OCA2: variants seen among roughly 807,000 people sequenced by gnomAD.
OCA2 encodes P protein.
A neutral mutation model predicts 100.2 loss-of-function variants in OCA2; 77 were observed. That is an observed-to-expected ratio of 0.77 (90% CI 0.64 to 0.93). OCA2 has a LOEUF of 0.93. Ranked by LOEUF, OCA2 falls within the 40% of genes least tolerant of loss-of-function variation. OCA2 has a pLI of 0.00. For synonymous variants in OCA2, 432 were observed against 439.2 expected (o/e 0.98, Z 0.21); for missense variants, 1,062 against 1,089.1 (o/e 0.98, Z 0.35).
intron 23 of OCA2, among the ~76,000 whole-genome samples, chr15:27,793,161 G>C (rs931606433): frequency 3.3e-5 from 5 of 152,200 alleles, no homozygotes; most frequent in Admixed American, 3.3e-4. Context: ...ATGGGGCTTG[G>C]CTACTCAAAG....
chr15:28,090,348 T>C (rs867313032), intron 1 of OCA2, among the ~76,000 whole-genome samples: 3 of 152,162 alleles, frequency 2.0e-5, no homozygotes, highest in African/African-American at 4.8e-5. Context: ...CATCAACCAA[T>C]AGAATATAAT....
intron 23 of OCA2, among the ~76,000 whole-genome samples, chr15:27,843,577 G>A (rs1208705035): frequency 6.6e-6 from 1 of 152,168 alleles, no homozygotes; most frequent in African/African-American, 2.4e-5. Context: ...TCTGAACCCT[G>A]TCCCTTAGCG....
chr15:27,896,638 C>CAAAAAA (rs58489908), intron 19 of OCA2: 6 of 141,170 alleles, frequency 4.3e-5, no homozygotes, highest in Non-Finnish European at 9.2e-5. Flanking sequence ...TTATTGACAG[C>CAAAAAA]AAAAAAAAAA....
chr15:27,985,259 T>C, intron 12 of OCA2, 71 bp from the exon 13 acceptor site: 1 of 1,579,794 alleles, frequency 6.3e-7, no homozygotes, highest in African/African-American at 1.3e-5. Flanking sequence ...AGCCTTTCAT[T>C]AGTGACTTTA....
At chr15:27,771,333 G>A (rs1274456993) in intron 23 of OCA2, among the ~76,000 whole-genome samples, 4 of 151,662 alleles carry the variant, frequency 2.6e-5, no homozygotes, top group African/African-American at 4.8e-5. Context: ...AAAGGGCGGC[G>A]CTATAGAGAG....
intron 2 of OCA2, among the ~76,000 whole-genome samples, chr15:28,081,332 T>C (rs528747944): frequency 6.6e-6 from 1 of 152,224 alleles, no homozygotes; most frequent in Non-Finnish European, 1.5e-5. Flanking sequence ...TGTATAGAAA[T>C]AAGGCATGCC....
chr15:27,861,298 A>G (rs2151451171), intron 21 of OCA2, among the ~76,000 whole-genome samples: 1 of 152,314 alleles, frequency 6.6e-6, no homozygotes, highest in South Asian at 2.1e-4. Context: ...AGATGGAATC[A>G]GGATTTCAGT....
At chr15:27,985,268 T>C in intron 12 of OCA2, 80 bp from the exon 13 acceptor site, 1 of 1,550,652 alleles carries the variant, frequency 6.4e-7, no homozygotes, top group Non-Finnish European at 8.8e-7. Flanking sequence ...TTAGTGACTT[T>C]AAGAACAGGG....
intron 23 of OCA2, among the ~76,000 whole-genome samples, chr15:27,770,724 A>C (rs2031670475): frequency 1.5e-5 from 2 of 134,548 alleles, no homozygotes; most frequent in African/African-American, 3.1e-5. Flanking sequence ...CTCCTTTCTT[A>C]CTTCCCTCCC....
At position 27,807,495 on chromosome 15, in the gene OCA2, T is replaced by G. The variant is rs115355171; in HGVS notation, c.2432+37464A>C. ...AGAATAATGAGTGCCTTTGCGTTGG[T>G]GTCATCCACACACGTCAGGGAAGGC... On this transcript the variant is annotated intron_variant, in intron 23 of 23. Transcript: ENST00000354638. 8.7e-3 allele frequency among the ~76,000 whole-genome samples: 1,330 copies of G among 152,204 alleles called. 23 individuals carry two copies. The highest frequency in any genetic ancestry group is 0.031 in the African/African-American group (1,278 of 41,540).
rs575195763 is a variant in OCA2, at chr15:27,925,773, C to T, written c.2079+354G>A. On this transcript the variant is annotated intron_variant, in intron 19 of 23. Transcript: ENST00000354638. ...ACGGAAATGTTACTCAAATATCACA[C>T]AAAATGAAACAGATCATCAAGGTCA... Among the ~76,000 whole-genome samples the T allele has an allele frequency of 2.6e-5, 4 of 152,256 alleles. No individual in the cohort carries two copies. In the South Asian group the frequency reaches 8.3e-4, roughly 32 times the overall value.
chr15:27,806,746 T>TA (rs1047281782), intron 23 of OCA2, among the ~76,000 whole-genome samples: 2 of 152,108 alleles, frequency 1.3e-5, no homozygotes, highest in African/African-American at 4.8e-5. Context: ...TCTACAGAAA[T>TA]AAAAAAGAAG....
At chr15:28,095,992 C>T (rs1167990776) in intron 1 of OCA2, among the ~76,000 whole-genome samples, 5 of 152,236 alleles carry the variant, frequency 3.3e-5, no homozygotes, top group African/African-American at 1.2e-4. Flanking sequence ...GAGAAACCGC[C>T]CCTGGCTATG....
intron 23 of OCA2, among the ~76,000 whole-genome samples, chr15:27,774,296 G>A (rs1042933281): frequency 5.9e-5 from 9 of 152,234 alleles, no homozygotes; most frequent in African/African-American, 1.9e-4. Context: ...CTGGCAGTGA[G>A]GAAGAGAGTC....
chr15:27,989,559 C>T (rs763311362), intron 11 of OCA2, 42 bp downstream of exon 11: 6 of 1,563,352 alleles, frequency 3.8e-6, no homozygotes, highest in Non-Finnish European at 4.4e-6. Flanking sequence ...GCCCGGTTAC[C>T]GCAGGCGTGG....
intron 14 of OCA2, among the ~76,000 whole-genome samples, chr15:27,969,905 T>TA (rs34786123): frequency 0.014 from 1,976 of 144,382 alleles, 38 homozygotes; most frequent in African/African-American, 0.047. Flanking sequence ...TGTGAAAATT[T>TA]AAAAAAAAAA....
intron 21 of OCA2, among the ~76,000 whole-genome samples, chr15:27,869,938 C>T (rs3903042): frequency 0.3 from 45,689 of 152,122 alleles, 8,356 homozygotes; most frequent in Middle Eastern, 0.51. Flanking sequence ...CAATTTGGAA[C>T]TTCACCAAAA....
chr15:27,771,779 T>G (rs1022336828), intron 23 of OCA2, among the ~76,000 whole-genome samples: 1 of 152,212 alleles, frequency 6.6e-6, no homozygotes, highest in African/African-American at 2.4e-5. Context: ...TTAATTTTGT[T>G]AATTTTTGCT....
At chr15:28,034,437 T>C (rs761051656) in intron 2 of OCA2, among the ~76,000 whole-genome samples, 1 of 152,224 alleles carries the variant, frequency 6.6e-6, no homozygotes, top group African/African-American at 2.4e-5. Context: ...CTTGTTTTAT[T>C]TGGTACTGTA....
Sources: allele counts gnomAD v4.1 joint callset (sites outside exome capture counted in the v4.1 genomes callset), GRCh38; gene constraint gnomAD v4.1.1; transcripts MANE v1.5; gene names NCBI Gene and HGNC (gene_info 2026-07-23, HGNC 2026-07-21).